The following PTCD3 variants were observed in gnomAD, a reference collection of about 807,000 sequenced individuals.
The protein encoded by PTCD3 is pentatricopeptide repeat domain 3, also known as small ribosomal subunit protein mS39.
Under a neutral mutation model 101.9 loss-of-function variants are expected in PTCD3, and 89 were observed. The ratio of observed to expected loss-of-function variants is 0.87; its 90% CI spans 0.74 to 1.04. The LOEUF is 1.04. Ranked by LOEUF, PTCD3 falls within the 50% of genes least tolerant of loss-of-function variation. The pLI is 0.00. For synonymous variants in PTCD3, 296 were observed against 278.5 expected (o/e 1.06, Z -0.63); for missense variants, 870 against 828.2 (o/e 1.05, Z -0.62).
intron 14 of PTCD3, among the ~76,000 whole-genome samples, chr2:86,128,196 A>G (rs1674430612): frequency 6.6e-6 from 1 of 152,080 alleles, no homozygotes; most frequent in Admixed American, 6.6e-5. Flanking sequence ...CCTGGGCTCA[A>G]ACAGTCCTCC....
At chr2:86,118,861 C>A (rs1298860601) in intron 6 of PTCD3, 60 bp from the exon 7 acceptor site, 6 of 1,556,518 alleles carry the variant, frequency 3.9e-6, no homozygotes, top group Non-Finnish European at 5.2e-6. Context: ...TTGTCCTACT[C>A]AGTTATCCTT....
chr2:86,119,386 T>G (rs1674239827), intron 7 of PTCD3, among the ~76,000 whole-genome samples: 1 of 151,838 alleles, frequency 6.6e-6, no homozygotes, highest in Admixed American at 6.6e-5. Context: ...AGATGGAGTC[T>G]TGCTCTGTCG....
Position 86,137,507 on chromosome 2 carries a change from G to T in PTCD3, c.2018G>T (p.Ser673Ile), listed in dbSNP as rs548026987. The T allele has an allele frequency of 1.2e-5, 20 of 1,613,368 alleles. No homozygotes were observed. In the African/African-American group the frequency reaches 2.5e-4, roughly 20 times the overall value. The change falls in exon 24 of 24, where the codon AGT becomes ATT. Residue 673 changes from serine to isoleucine, a missense_variant. Transcript: ENST00000254630. ...AATCTAACTGCATTGACCAGTGACA[G>T]TGATACTGACAGCAGCAGTGACAGC... ...LSNLTALTSD[S>I]DTDSSSDSDS...
intron 1 of PTCD3, among the ~76,000 whole-genome samples, chr2:86,107,725 A>G (rs1673988423): frequency 6.6e-6 from 1 of 152,248 alleles, no homozygotes; most frequent in Non-Finnish European, 1.5e-5. Context: ...GATTGTTGAA[A>G]GAAGTGGAAT....
chr2:86,131,822 G>A (rs1426882318), intron 16 of PTCD3, among the ~76,000 whole-genome samples: 2 of 152,118 alleles, frequency 1.3e-5, no homozygotes, highest in Non-Finnish European at 2.9e-5. Context: ...TACAAAAGCC[G>A]CTACTTTCAA....
At chr2:86,124,945 T>C (rs1460416820) in intron 9 of PTCD3, 50 bp from the exon 10 acceptor site, 4 of 1,603,232 alleles carry the variant, frequency 2.5e-6, no homozygotes, top group Non-Finnish European at 3.4e-6. Flanking sequence ...GTGGTAGCTC[T>C]CATTGGTATT....
At chr2:86,120,196 A>C (rs528953609) in intron 7 of PTCD3, among the ~76,000 whole-genome samples, 21 of 152,238 alleles carry the variant, frequency 1.4e-4, no homozygotes, top group African/African-American at 4.1e-4. Flanking sequence ...TCTGCATTGA[A>C]GTTCTTAGTG....
Position 86,129,469 on chromosome 2 carries a change from C to G in PTCD3, c.1148-1179C>G, listed in dbSNP as rs186502653. ...GTTTGAAACCAACATAGAGAGACCT[C>G]CATGTCTACTAAACATGAAAAAAGT... On this transcript the variant is annotated intron_variant, in intron 14 of 23. Coordinates refer to ENST00000254630, the MANE Select transcript of PTCD3 (RefSeq NM_017952.6). 7.4e-4 allele frequency among the ~76,000 whole-genome samples: 112 copies of G among 152,226 alleles called. 1 individual carries two copies. The highest frequency in any genetic ancestry group is 8.8e-5 in the Non-Finnish European group (6 of 68,012).
intron 23 of PTCD3, 104 bp from the exon 24 acceptor site, chr2:86,137,365 T>C: frequency 6.7e-7 from 1 of 1,500,530 alleles, no homozygotes; most frequent in East Asian, 2.4e-5. Context: ...GGGTCCCTTT[T>C]TCTGATTTCA....
chr2:86,132,825 T>G (rs1024904475), intron 17 of PTCD3: 13 of 323,446 alleles, frequency 4.0e-5, no homozygotes, highest in South Asian at 3.8e-4. Flanking sequence ...GATAAGAACA[T>G]GAATTTAAGA....
In PTCD3 at chr2:86,138,173, A is replaced by G. The variant is rs1443076942; in HGVS notation, c.*614A>G. ...TTTTTGTTAATATAGCCGCTGCCAT[A>G]GTTTTCTAACTTGAACAGCCATGAA... On this transcript the variant is annotated 3_prime_UTR_variant, in exon 24 of 24. Coordinates refer to ENST00000254630, the MANE Select transcript of PTCD3 (RefSeq NM_017952.6). The G allele has an allele frequency of 6.6e-6, 1 of 152,570 alleles. No individual in the cohort carries two copies. The highest frequency in any genetic ancestry group is 2.4e-5 in the African/African-American group (1 of 41,444). 9.5% of individuals were successfully genotyped at this position (152,570 alleles called of 1,614,324 possible).
At chr2:86,123,379 A>T (rs1573853447) in intron 8 of PTCD3, among the ~76,000 whole-genome samples, 1 of 152,050 alleles carries the variant, frequency 6.6e-6, no homozygotes, top group African/African-American at 2.4e-5. Context: ...ATCAAGCCAG[A>T]TGTAGTCTCT....
intron 1 of PTCD3, chr2:86,107,087 A>G (rs564708493): frequency 2.1e-6 from 1 of 470,510 alleles, no homozygotes; most frequent in East Asian, 6.9e-5. Flanking sequence ...TATGTAATTT[A>G]CAATATGTTT....
At chr2:86,127,427 T>G (rs1334470593) in intron 13 of PTCD3, 122 bp downstream of exon 13, 14 of 1,228,530 alleles carry the variant, frequency 1.1e-5, no homozygotes, top group Non-Finnish European at 1.4e-5. Flanking sequence ...AAATTTTCTT[T>G]CCATGTTTGG....
At chr2:86,130,900 C>T in intron 15 of PTCD3, 163 bp downstream of exon 15, 1 of 1,449,756 alleles carries the variant, frequency 6.9e-7, no homozygotes, top group Non-Finnish European at 9.1e-7. Flanking sequence ...GTAATATTTG[C>T]CATGGTCTTT....
At chr2:86,117,697 A>G (rs938493470) in intron 6 of PTCD3, among the ~76,000 whole-genome samples, 3 of 151,788 alleles carry the variant, frequency 2.0e-5, no homozygotes, top group Non-Finnish European at 4.4e-5. Context: ...TCTGGGCTCA[A>G]GCAAACACCC....
chr2:86,141,335 G>A lies in PTCD3; in HGVS notation c.*3776G>A, dbSNP rs1674681151. The A allele has an allele frequency of 6.6e-6, 1 of 152,214 alleles. No individual in the cohort carries two copies. The highest frequency in any genetic ancestry group is 1.5e-5 in the Non-Finnish European group (1 of 68,096). 9.4% of individuals were successfully genotyped at this position (152,214 alleles called of 1,614,324 possible). On this transcript the variant is annotated 3_prime_UTR_variant, in exon 24 of 24. Coordinates refer to ENST00000254630, the MANE Select transcript of PTCD3 (RefSeq NM_017952.6). The stretch of plus-strand genomic sequence containing the variant: ...AAGCATAGACCTATAGTACAACAGG[G>A]GTGTAGTGACCACTGGACCTGATGA...
intron 20 of PTCD3, 141 bp downstream of exon 20, chr2:86,134,518 G>C (rs1190604306): frequency 4.2e-6 from 3 of 707,074 alleles, no homozygotes; most frequent in Non-Finnish European, 7.1e-6. Flanking sequence ...AACATATCTT[G>C]CCCTTAGCAG....
rs770497641 is a variant in PTCD3 at position 86,125,070 on chromosome 2, A to C, written c.792A>C (p.Arg264=). The change falls in exon 10 of 24, where the codon CGA becomes CGC. Residue 264 remains arginine, a synonymous_variant. Transcript: ENST00000254630. ...AACATTCCTATTGCACAATGATCCGAGGAATGGTGAAGGTACATTTGTTTT... is the reference window on the plus strand; with the variant it reads ...AACATTCCTATTGCACAATGATCCGCGGAATGGTGAAGGTACATTTGTTTT... The part of the protein sequence containing the change: ...KNEHSYCTMI[R]GMVKHRAYEQ... 5 of 1,613,992 alleles carry C rather than the reference A, an allele frequency of 3.1e-6. No individual in the cohort carries two copies. Among genetic ancestry groups the C allele is most frequent in the Non-Finnish European group, 4.2e-6 (5 of 1,179,996 alleles).
Sources: gnomAD v4.1 joint callset for allele counts (sites outside exome capture counted in the v4.1 genomes callset) on GRCh38, gnomAD v4.1.1 for gene constraint, MANE v1.5 for transcripts, NCBI Gene and HGNC (gene_info 2026-07-23, HGNC 2026-07-21) for gene names.